The following DNAJC8 variants were observed in gnomAD, a reference collection of about 807,000 sequenced individuals.
DNAJC8 encodes DnaJ heat shock protein family (Hsp40) member C8, also known as dnaJ homolog subfamily C member 8.
In DNAJC8, 24 loss-of-function variants were observed where a neutral mutation model predicts 43.2. That is an observed-to-expected ratio of 0.56 (90% CI 0.40 to 0.78). DNAJC8 has a LOEUF of 0.78. DNAJC8 is among the 30% of genes least tolerant of loss of function. DNAJC8 has a pLI of 0.00. For missense variants in DNAJC8, 207 were observed against 299.4 expected (o/e 0.69, Z 2.28); for synonymous variants, 83 against 98.0 (o/e 0.85, Z 0.90).
chr1:28,212,797 C>G (rs530895252), intron 3 of DNAJC8, among the ~76,000 whole-genome samples: 1 of 152,252 alleles, frequency 6.6e-6, no homozygotes, highest in South Asian at 2.1e-4. Flanking sequence ...GGTTCTAATT[C>G]CAACTTCAAT....
chr1:28,208,282 C>T, intron 6 of DNAJC8, 60 bp downstream of exon 6: 1 of 1,330,264 alleles, frequency 7.5e-7, no homozygotes, highest in African/African-American at 1.5e-5. Context: ...GTCTCTGTAA[C>T]CCACCAATTC....
chr1:28,203,728 G>A lies in DNAJC8; in HGVS notation c.639+19C>T. ...GCCTTATTCTGGAATTAGAATCCCT[G>A]GCCACCTTGGAAATTTACCTCAAAG... is the stretch of plus-strand genomic sequence containing the variant. On this transcript the variant is annotated intron_variant, in intron 8 of 8. Transcript: ENST00000263697. 1 of 1,613,360 alleles carries A rather than the reference G, an allele frequency of 6.2e-7. No individual in the cohort carries two copies. Among genetic ancestry groups the A allele is most frequent in the African/African-American group, 1.3e-5 (1 of 74,946 alleles).
Position 28,201,347 on chromosome 1 carries a change from G to C in DNAJC8, c.663C>G (p.Asp221Glu). 1 of 1,613,840 alleles carries C rather than the reference G, an allele frequency of 6.2e-7. No individual in the cohort carries two copies. Among genetic ancestry groups the C allele is most frequent in the Non-Finnish European group, 8.5e-7 (1 of 1,179,974 alleles). The change falls in exon 9 of 9, where the codon GAC becomes GAG. Residue 221 changes from aspartate to glutamate, a missense_variant. By Grantham distance (45) the Asp-to-Glu change is conservative (BLOSUM62 2). This residue lies in a region of DNAJC8 where 159 missense variants were observed against 267.5 expected (regional missense o/e 0.59). Coordinates refer to ENST00000263697, the MANE Select transcript of DNAJC8 (RefSeq NM_014280.3). Reference sequence around the variant, plus strand: ...TATTGGCTTGGAAGTTTCGCCAGCTGTCCACACGACCATCTCGACTTTCCT... The same window carrying C: ...TATTGGCTTGGAAGTTTCGCCAGCTCTCCACACGACCATCTCGACTTTCCT... ...NFEESRDGRV[D>E]SWRNFQANTK...
intron 2 of DNAJC8, among the ~76,000 whole-genome samples, chr1:28,218,890 G>C (rs1478137452): frequency 6.6e-6 from 1 of 152,092 alleles, no homozygotes; most frequent in Non-Finnish European, 1.5e-5. Flanking sequence ...TTACAGACGA[G>C]GGACTGTAAC....
chr1:28,226,358 C>A (rs1292712497), intron 2 of DNAJC8, among the ~76,000 whole-genome samples: 3 of 151,072 alleles, frequency 2.0e-5, no homozygotes, highest in Non-Finnish European at 4.4e-5. Flanking sequence ...CAAAAATTAG[C>A]CAGGCGTGGT....
Position 28,203,744 on chromosome 1 carries a change from T to G in DNAJC8, c.639+3A>C, listed in dbSNP as rs1236684393. 1 of 1,614,174 alleles carries G rather than the reference T, an allele frequency of 6.2e-7. No homozygotes were observed. Among genetic ancestry groups the G allele is most frequent in the Non-Finnish European group, 8.5e-7 (1 of 1,180,022 alleles). On this transcript the variant is annotated splice_donor_region_variant and intron_variant, in intron 8 of 8. Transcript: ENST00000263697. ...AGAATCCCTGGCCACCTTGGAAATT[T>G]ACCTCAAAGTTTTTCTGCCACTCTC...
intron 2 of DNAJC8, among the ~76,000 whole-genome samples, chr1:28,215,660 C>T (rs1646847416): frequency 6.6e-6 from 1 of 151,692 alleles, no homozygotes; most frequent in East Asian, 1.9e-4. Flanking sequence ...GCCTAAGCCT[C>T]CTGAGTAGCT....
intron 2 of DNAJC8, among the ~76,000 whole-genome samples, chr1:28,221,188 A>C (rs1390532825): frequency 6.6e-6 from 1 of 151,772 alleles, no homozygotes; most frequent in Non-Finnish European, 1.5e-5. Flanking sequence ...AAATACAAAA[A>C]ATTAGCCGGG....
intron 2 of DNAJC8, among the ~76,000 whole-genome samples, chr1:28,223,845 C>A (rs1234181128): frequency 1.3e-5 from 2 of 152,084 alleles, no homozygotes; most frequent in Non-Finnish European, 2.9e-5. Flanking sequence ...TGTACACACA[C>A]AAACACACAG....
intron 8 of DNAJC8, 106 bp downstream of exon 8, chr1:28,203,641 C>T (rs1646751025): frequency 9.0e-7 from 1 of 1,111,186 alleles, no homozygotes; most frequent in Non-Finnish European, 1.4e-6. Context: ...CACTCTTCCC[C>T]ACATATCCCA....
chr1:28,207,827 G>A (rs1052591634), intron 6 of DNAJC8, among the ~76,000 whole-genome samples: 15 of 151,744 alleles, frequency 9.9e-5, no homozygotes, highest in East Asian at 2.0e-4. Context: ...AGGCCGAGGC[G>A]GGTGGATCAC....
rs1553167926 is a variant in DNAJC8, at chr1:28,212,212, T to TATAC, written c.238-1576_238-1575insGTAT. ...ATATATATATATATATATATATATA[T>TATAC]ATAAATGAAATTAACTATTCAATAT... is the stretch of plus-strand genomic sequence containing the variant. On this transcript the variant is annotated intron_variant, in intron 3 of 8. Coordinates refer to ENST00000263697, the MANE Select transcript of DNAJC8 (RefSeq NM_014280.3). 2.0e-4 allele frequency among the ~76,000 whole-genome samples: 23 copies of TATAC among 116,626 alleles called. 1 individual carries two copies. Among genetic ancestry groups the TATAC allele is most frequent in the Admixed American group, 1.8e-3 (19 of 10,492 alleles). The allele number at this position is 116,626 out of a possible 152,430, so 76.5% of individuals were successfully genotyped here. A position where few individuals can be genotyped will look rare whatever the true frequency, so the allele number is the denominator to read the frequency against.
At chr1:28,220,620 G>A (rs1646892103) in intron 2 of DNAJC8, among the ~76,000 whole-genome samples, 1 of 152,116 alleles carries the variant, frequency 6.6e-6, no homozygotes, top group South Asian at 2.1e-4. Context: ...CCAATTGTGA[G>A]GGCAGAGACC....
intron 6 of DNAJC8, among the ~76,000 whole-genome samples, 193 bp downstream of exon 6, chr1:28,208,149 T>C (rs1363270161): frequency 6.6e-6 from 1 of 152,164 alleles, no homozygotes; most frequent in African/African-American, 2.4e-5. Flanking sequence ...GAGGTTGCAG[T>C]GAGCCGAGAT....
At chr1:28,215,031 G>A in intron 2 of DNAJC8, 35 bp from the exon 3 acceptor site, 3 of 1,559,266 alleles carry the variant, frequency 1.9e-6, no homozygotes, top group Non-Finnish European at 2.6e-6. Flanking sequence ...TAAAAAAGGT[G>A]AAAATAAATT....
chr1:28,232,402 A>C (rs1465782130), intron 1 of DNAJC8, among the ~76,000 whole-genome samples: 1 of 152,198 alleles, frequency 6.6e-6, no homozygotes, highest in Non-Finnish European at 1.5e-5. Flanking sequence ...ACATACCACC[A>C]AGCAAGCTGT....
At chr1:28,202,106 T>C (rs865864257) in intron 8 of DNAJC8, among the ~76,000 whole-genome samples, 1 of 151,798 alleles carries the variant, frequency 6.6e-6, no homozygotes, top group Non-Finnish European at 1.5e-5. Flanking sequence ...AAAAGTAGAA[T>C]AGAGCTTTCT....
At chr1:28,214,816 T>C in intron 3 of DNAJC8, 124 bp downstream of exon 3, 1 of 613,190 alleles carries the variant, frequency 1.6e-6, no homozygotes, top group Non-Finnish European at 2.7e-6. Flanking sequence ...TACAAAACAG[T>C]TACACAGCCT....
intron 2 of DNAJC8, among the ~76,000 whole-genome samples, chr1:28,225,701 G>C (rs1646929437): frequency 7.1e-6 from 1 of 140,932 alleles, no homozygotes; most frequent in African/African-American, 2.8e-5. Flanking sequence ...AAATTTAAAT[G>C]GTAATTTTTT....
Sources: allele counts gnomAD v4.1 joint callset (sites outside exome capture counted in the v4.1 genomes callset), GRCh38; gene constraint gnomAD v4.1.1; regional missense constraint gnomAD v4.1.1; transcripts MANE v1.5; gene names NCBI Gene and HGNC (gene_info 2026-07-23, HGNC 2026-07-21).